The following NBPF9 variants were observed in gnomAD, a reference collection of about 807,000 sequenced individuals.
NBPF9 encodes NBPF member 9.
NBPF9 carries 91 observed loss-of-function variants against 97.8 expected under a neutral mutation model. The ratio of observed to expected loss-of-function variants is 0.93; its 90% CI spans 0.79 to 1.11. NBPF9 has a LOEUF of 1.11. Ranked by LOEUF, NBPF9 falls within the 50% of genes least tolerant of loss-of-function variation. The pLI, the probability that NBPF9 is intolerant of heterozygous loss-of-function variation, is 0.00. For missense variants in NBPF9, 992 were observed against 939.5 expected (o/e 1.06, Z -0.73); for synonymous variants, 334 against 359.5 (o/e 0.93, Z 0.80).
intron 4 of NBPF9, among the ~76,000 whole-genome samples, chr1:149,098,029 T>C (rs2081905169): frequency 6.7e-6 from 1 of 150,304 alleles, no homozygotes; most frequent in South Asian, 2.1e-4. Flanking sequence ...GCCTGGGGGA[T>C]GCAGGTGGAC....
At chr1:149,103,457 G>C (rs1553244880) in exon 1 of NBPF9, 16 of 152,442 alleles carry the variant, frequency 1.0e-4, no homozygotes, top group South Asian at 2.1e-4. Flanking sequence ...GCCTCGCGAC[G>C]CTCACCTACC....
rs1379680543 is a variant in NBPF9 at position 149,082,642 on chromosome 1, C to A, written c.-194-212G>T. Among the ~76,000 whole-genome samples the A allele has an allele frequency of 1.4e-5, 2 of 141,458 alleles. 1 individual carries two copies. The highest frequency in any genetic ancestry group is 1.4e-4 in the Admixed American group (2 of 13,974). 92.8% of individuals were successfully genotyped at this position (141,458 alleles called of 152,430 possible). A position where few individuals can be genotyped will look rare whatever the true frequency, so the allele number is the denominator to read the frequency against. ...CCGTGTCTTTCCCAATACATCTAAG[C>A]ATATTCCTCACTGTTTATCTCTTGT... On this transcript the variant is annotated intron_variant, in intron 5 of 29. Transcript: ENST00000584027.
At chr1:149,072,888 T>G in exon 14 of NBPF9, 2 of 1,607,088 alleles carry the variant, frequency 1.2e-6, no homozygotes, top group Non-Finnish European at 1.7e-6. Flanking sequence ...CTCCCTTAAC[T>G]GGGTCAGCTC....
In NBPF9 at chr1:149,062,467, G is replaced by C. The variant is rs587749728; in HGVS notation, c.2079-202C>G. On this transcript the variant is annotated intron_variant, in intron 21 of 29. Transcript: ENST00000584027. ...TGAAAGAGAAAGACAGGGAGAGGGA[G>C]AGAGAGAGAGAGGAGAAAGTGAGCT... Among the ~76,000 whole-genome samples, 4 of 143,814 alleles carry C rather than the reference G, an allele frequency of 2.8e-5. No homozygotes were observed. In the East Asian group the frequency reaches 7.8e-4, roughly 28 times the overall value. The allele number at this position is 143,814 out of a possible 152,430, so 94.3% of individuals were successfully genotyped here.
exon 30 of NBPF9, chr1:149,055,855 T>A: frequency 6.2e-7 from 1 of 1,606,880 alleles, no homozygotes; most frequent in Non-Finnish European, 8.5e-7. Context: ...CAGTGAGTCC[T>A]GCAAGACTTC....
Position 149,101,011 on chromosome 1 carries a change from G to A in NBPF9, c.-606+251C>T, listed in dbSNP as rs1415462475. Among the ~76,000 whole-genome samples the A allele has an allele frequency of 9.9e-5, 15 of 151,068 alleles. 1 individual carries two copies. The South Asian group carries it at 2.9e-3, about 30-fold the overall frequency. On this transcript the variant is annotated intron_variant, in intron 3 of 29. Transcript: ENST00000584027. ...ACAGAAAAATGTGTTCATACTCCTA[G>A]GTTAGGCATTGATTTCTTAAACAGG...
At chr1:149,055,975 A>G in intron 29 of NBPF9, 76 bp from the exon 30 acceptor site, 1 of 1,611,560 alleles carries the variant, frequency 6.2e-7, no homozygotes, top group Non-Finnish European at 8.5e-7. Context: ...TTTCAGAAGT[A>G]ACATAAGGAA....
exon 4 of NBPF9, chr1:149,098,660 A>C: frequency 1.1e-6 from 1 of 943,630 alleles, no homozygotes; most frequent in South Asian, 4.8e-5. Context: ...AGCCTGGGTC[A>C]CCAGGAACCT....
chr1:149,076,393 C>T (rs1407115773), intron 11 of NBPF9, among the ~76,000 whole-genome samples: 6 of 151,062 alleles, frequency 4.0e-5, no homozygotes, highest in Admixed American at 2.0e-4. Flanking sequence ...GATGGGGTTT[C>T]GCCATCTTGG....
chr1:149,089,596 GA>G (rs1473944755), intron 5 of NBPF9, among the ~76,000 whole-genome samples: 10 of 152,424 alleles, frequency 6.6e-5, no homozygotes, highest in African/African-American at 2.4e-4. Flanking sequence ...AGGAGGAGGG[GA>G]TGTTATGGGG....
chr1:149,052,241 T>C (rs1467468729), downstream of NBPF9, among the ~76,000 whole-genome samples: 12 of 151,964 alleles, frequency 7.9e-5, no homozygotes, highest in African/African-American at 2.4e-4. Context: ...AAAACATTGA[T>C]AAATTCGACT....
intron 5 of NBPF9, among the ~76,000 whole-genome samples, chr1:149,084,630 G>C (rs1391527650): frequency 6.6e-6 from 1 of 151,138 alleles, no homozygotes; most frequent in Non-Finnish European, 1.5e-5. Flanking sequence ...ACAGCCTCGT[G>C]GCGGACGGGA....
chr1:149,072,404 T>C (rs1266256090), intron 14 of NBPF9, among the ~76,000 whole-genome samples: 2 of 152,150 alleles, frequency 1.3e-5, no homozygotes, highest in African/African-American at 4.8e-5. Context: ...TCATTCTTAG[T>C]CCAGAGCTCT....
At chr1:149,082,957 C>CT (rs1157992196) in intron 5 of NBPF9, among the ~76,000 whole-genome samples, 10,200 of 66,202 alleles carry the variant, frequency 0.15, 761 homozygotes, top group Non-Finnish European at 0.18. Context: ...TTTTTCTTTT[C>CT]TTTTTTTTTT....
At position 149,077,974 on chromosome 1, in the gene NBPF9, C is replaced by T. The variant is rs1285646619; in HGVS notation, c.494-19G>A. On this transcript the variant is annotated intron_variant, in intron 9 of 29. Coordinates refer to ENST00000584027, the Ensembl canonical transcript of NBPF9. The stretch of plus-strand genomic sequence containing the variant: ...TCATTTTCTAGAAATACAAAATGTT[C>T]ATTCAGATATTTCCCACTTCACATT... The T allele has an allele frequency of 6.3e-7, 1 of 1,590,778 alleles. No individual in the cohort carries two copies. The highest frequency in any genetic ancestry group is 8.6e-7 in the Non-Finnish European group (1 of 1,162,334).
At chr1:149,100,456 G>A (rs1363084164) in intron 3 of NBPF9, among the ~76,000 whole-genome samples, 2 of 141,534 alleles carry the variant, frequency 1.4e-5, no homozygotes, top group Non-Finnish European at 3.0e-5. Context: ...ATTTTTTGTA[G>A]AGATGGGATC....
intron 18 of NBPF9, 176 bp downstream of exon 18, chr1:149,065,350 A>G: frequency 1.3e-6 from 1 of 792,366 alleles, no homozygotes; most frequent in Non-Finnish European, 2.2e-6. Context: ...TCACTGACCC[A>G]CCCCATGCCT....
At position 149,074,580 on chromosome 1, in the gene NBPF9, A is replaced by G. The variant is rs1197849214; in HGVS notation, c.989-710T>C. Among the ~76,000 whole-genome samples the G allele has an allele frequency of 4.6e-5, 7 of 151,432 alleles. 1 individual carries two copies. Among genetic ancestry groups the G allele is most frequent in the Admixed American group, 4.6e-4 (7 of 15,176 alleles). ...AATTTACAGAGGTAGGTATTATTGTAGTACCCTCTGAACAGGTGAGGTAAC... is the reference window on the plus strand; with the variant it reads ...AATTTACAGAGGTAGGTATTATTGTGGTACCCTCTGAACAGGTGAGGTAAC... On this transcript the variant is annotated intron_variant, in intron 12 of 29. Transcript: ENST00000584027.
chr1:149,075,302 T>G (rs1282912634), intron 12 of NBPF9, among the ~76,000 whole-genome samples: 4 of 152,174 alleles, frequency 2.6e-5, no homozygotes, highest in African/African-American at 7.2e-5. Flanking sequence ...TCTCAGACAT[T>G]TAGAACAACA....
Sources: gnomAD v4.1 joint callset for allele counts (sites outside exome capture counted in the v4.1 genomes callset) on GRCh38, gnomAD v4.1.1 for gene constraint, MANE v1.5 for transcripts, NCBI Gene and HGNC (gene_info 2026-07-23, HGNC 2026-07-21) for gene names.